Variants in TFEB observed in about 807,000 individuals in gnomAD.
TFEB encodes the protein transcription factor EB.
TFEB carries 12 observed loss-of-function variants against 48.0 expected under a neutral mutation model. The observed-to-expected ratio is 0.25, with a 90% CI of 0.16 to 0.40. The LOEUF (loss-of-function observed/expected upper bound fraction) is 0.40. Ranked by LOEUF, TFEB falls within the 10% of genes least tolerant of loss-of-function variation. The pLI, the probability that TFEB is intolerant of heterozygous loss-of-function variation, is 1.00. For synonymous variants in TFEB, 244 were observed against 261.4 expected (o/e 0.93, Z 0.64); for missense variants, 509 against 640.3 (o/e 0.79, Z 2.21).
Position 41,730,489 on chromosome 6 carries a change from G to T in TFEB, c.-23+4861C>A, listed in dbSNP as rs1771406067. Among the ~76,000 whole-genome samples, 1 of 152,174 alleles carries T rather than the reference G, an allele frequency of 6.6e-6. No individual in the cohort carries two copies. The highest frequency in any genetic ancestry group is 1.5e-5 in the Non-Finnish European group (1 of 68,036). On this transcript the variant is annotated intron_variant, in intron 1 of 8. Transcript: ENST00000373033. The surrounding 1 kb of genome is among the most constrained non-coding windows in gnomAD (Gnocchi z 4.1). ...GTGCTGGATCTTATGGGGCCAGGTG[G>T]CTCTCCCCATAAGAAAGCTGGACAA...
chr6:41,706,574 AT>A (rs1770235282), intron 1 of TFEB, among the ~76,000 whole-genome samples: 3 of 147,088 alleles, frequency 2.0e-5, no homozygotes, highest in African/African-American at 7.5e-5. Context: ...CCACCCCAGG[AT>A]TCCCAAATGC....
At chr6:41,716,813 A>G (rs886469323) in intron 1 of TFEB, among the ~76,000 whole-genome samples, 1 of 152,174 alleles carries the variant, frequency 6.6e-6, no homozygotes, top group African/African-American at 2.4e-5. Flanking sequence ...ACAGGGAGCC[A>G]CCACCTCCTC....
intron 3 of TFEB, among the ~76,000 whole-genome samples, chr6:41,690,435 G>C (rs548542222): frequency 6.6e-6 from 1 of 152,284 alleles, no homozygotes; most frequent in South Asian, 2.1e-4. Context: ...TGACTTCCTA[G>C]CAGAGCTTTT....
chr6:41,695,405 G>C (rs894225275), intron 1 of TFEB, among the ~76,000 whole-genome samples: 1 of 152,212 alleles, frequency 6.6e-6, no homozygotes, highest in African/African-American at 2.4e-5. Flanking sequence ...TAAATGCTTC[G>C]TGAATGATTG....
intron 3 of TFEB, among the ~76,000 whole-genome samples, chr6:41,690,409 C>T (rs950284004): frequency 6.6e-6 from 1 of 152,228 alleles, no homozygotes; most frequent in East Asian, 1.9e-4. Context: ...GGATTACAGG[C>T]GTGAGCCACG....
chr6:41,720,904 C>T lies in TFEB; in HGVS notation c.-23+14446G>A, dbSNP rs1327380283. 6.6e-6 allele frequency among the ~76,000 whole-genome samples: 1 copy of T among 152,154 alleles called. No individual in the cohort carries two copies. The highest frequency in any genetic ancestry group is 2.4e-5 in the African/African-American group (1 of 41,428). The stretch of plus-strand genomic sequence containing the variant: ...ATGTTCTTGAATAATCCTGAGACCC[C>T]AACCTCCACCCAACCCCCTGCTCCA... On this transcript the variant is annotated intron_variant, in intron 1 of 8. Transcript: ENST00000373033. This position sits in a 1 kb window ranked among gnomAD's most constrained non-coding sequence, Gnocchi z 4.1.
chr6:41,732,877 C>A, intron 1 of TFEB: 2 of 985,758 alleles, frequency 2.0e-6, no homozygotes, highest in Non-Finnish European at 2.4e-6. Context: ...CCAAGCCAGG[C>A]CCCAAGTGCT....
In TFEB at chr6:41,684,093, G is replaced by A; in HGVS notation, c.*506C>T. The A allele has an allele frequency of 4.3e-6, 1 of 232,098 alleles. No individual in the cohort carries two copies. The highest frequency in any genetic ancestry group is 8.5e-6 in the Non-Finnish European group (1 of 117,094). The allele number at this position is 232,098 out of a possible 1,614,324, so 14.4% of individuals were successfully genotyped here. A position where few individuals can be genotyped will look rare whatever the true frequency, so the allele number is the denominator to read the frequency against. Reference sequence around the variant, plus strand: ...CCGCGCTCACACCACCTGGTGGAGAGCTATTAGCACCAAAGTGGGGGGTGC... The same window carrying A: ...CCGCGCTCACACCACCTGGTGGAGAACTATTAGCACCAAAGTGGGGGGTGC... On this transcript the variant is annotated 3_prime_UTR_variant, in exon 9 of 9. Coordinates refer to ENST00000373033, the MANE Select transcript of TFEB (RefSeq NM_001271944.2).
chr6:41,704,369 C>T (rs1770096496), intron 1 of TFEB, among the ~76,000 whole-genome samples: 1 of 152,198 alleles, frequency 6.6e-6, no homozygotes, highest in Non-Finnish European at 1.5e-5. Context: ...CCTCAGTTTC[C>T]CCATCTGTAC....
rs1028000026 is a variant in TFEB, at chr6:41,723,008, G to A, written c.-23+12342C>T. On this transcript the variant is annotated intron_variant, in intron 1 of 8. Coordinates refer to ENST00000373033, the MANE Select transcript of TFEB (RefSeq NM_001271944.2). This position sits in a 1 kb window ranked among gnomAD's most constrained non-coding sequence, Gnocchi z 6.0. ...AAACGACAGGGCCAGGATTCAAGCA[G>A]GTGGATGTAGAGCATATGCTCCCAG... 6.6e-6 allele frequency among the ~76,000 whole-genome samples: 1 copy of A among 152,198 alleles called. No individual in the cohort carries two copies. Among genetic ancestry groups the A allele is most frequent in the Admixed American group, 6.5e-5 (1 of 15,278 alleles).
chr6:41,687,267 G>A (rs2073157), intron 6 of TFEB, 98 bp from the exon 7 acceptor site: 752,119 of 1,053,876 alleles, frequency 0.71, 269,933 homozygotes, highest in South Asian at 0.74. Flanking sequence ...CTTCAGGGCA[G>A]CCTGCAGCTT....
intron 1 of TFEB, among the ~76,000 whole-genome samples, chr6:41,699,892 A>G (rs991883311): frequency 1.3e-5 from 2 of 152,164 alleles, no homozygotes. Context: ...TCCTAGCAAA[A>G]TGCATAGATT....
intron 1 of TFEB, among the ~76,000 whole-genome samples, chr6:41,711,876 G>C (rs748997431): frequency 1.3e-5 from 2 of 152,228 alleles, no homozygotes; most frequent in Non-Finnish European, 2.9e-5. Context: ...CCCTTGGCAG[G>C]CTCACCCAGC....
chr6:41,727,168 C>G (rs1447776936), intron 1 of TFEB, among the ~76,000 whole-genome samples: 1 of 152,214 alleles, frequency 6.6e-6, no homozygotes, highest in Non-Finnish European at 1.5e-5. Flanking sequence ...GTGGACCATT[C>G]CTCTGGGCCC....
intron 1 of TFEB, among the ~76,000 whole-genome samples, chr6:41,719,585 C>G (rs1199450244): frequency 6.6e-6 from 1 of 152,190 alleles, no homozygotes; most frequent in Non-Finnish European, 1.5e-5. Context: ...AGGCCAGACA[C>G]CCGGCCCAGG....
chr6:41,701,021 A>G lies in TFEB; in HGVS notation c.-22-9786T>C, dbSNP rs74946366. Among the ~76,000 whole-genome samples, 1,306 of 152,368 alleles carry G rather than the reference A, an allele frequency of 8.6e-3. 12 individuals carry two copies. Among genetic ancestry groups the G allele is most frequent in the African/African-American group, 0.03 (1,239 of 41,592 alleles). ...GGACATGTAGCTAATAGGAACATGAAAGGAGAAACTAGAAAAGGATTCCAC... is the reference window on the plus strand; with the variant it reads ...GGACATGTAGCTAATAGGAACATGAGAGGAGAAACTAGAAAAGGATTCCAC... On this transcript the variant is annotated intron_variant, in intron 1 of 8. Transcript: ENST00000373033.
intron 3 of TFEB, among the ~76,000 whole-genome samples, 184 bp downstream of exon 3, chr6:41,690,479 C>T (rs1046379804): frequency 6.6e-6 from 1 of 152,238 alleles, no homozygotes; most frequent in Non-Finnish European, 1.5e-5. Flanking sequence ...TGTGAGGCTC[C>T]CTGAGGGCAG....
chr6:41,731,644 C>A lies in TFEB; in HGVS notation c.-23+3706G>T, dbSNP rs58132765. Among the ~76,000 whole-genome samples, 1,448 of 152,358 alleles carry A rather than the reference C, an allele frequency of 9.5e-3. 22 individuals are homozygous for A. Among genetic ancestry groups the A allele is most frequent in the African/African-American group, 0.033 (1,357 of 41,570 alleles). On this transcript the variant is annotated intron_variant, in intron 1 of 8. Transcript: ENST00000373033. ...GCCCAGCCACACAGCCAGTGAGAGGCACAGTGGGGTCTCTCGACTCCTGGT... is the reference window on the plus strand; with the variant it reads ...GCCCAGCCACACAGCCAGTGAGAGGAACAGTGGGGTCTCTCGACTCCTGGT...
At chr6:41,714,057 C>T (rs1770601345) in intron 1 of TFEB, among the ~76,000 whole-genome samples, 1 of 152,190 alleles carries the variant, frequency 6.6e-6, no homozygotes, top group African/African-American at 2.4e-5. Context: ...GGGCAAGGAC[C>T]TTTCCCAGCC....
Sources: gnomAD v4.1 joint callset for allele counts (sites outside exome capture counted in the v4.1 genomes callset) on GRCh38, gnomAD v4.1.1 for gene constraint, Gnocchi (gnomAD v3.1) non-coding constraint, MANE v1.5 for transcripts, NCBI Gene and HGNC (gene_info 2026-07-23, HGNC 2026-07-21) for gene names.